Variants in ACOT12 observed in about 807,000 individuals in gnomAD.
ACOT12 encodes acyl-CoA thioesterase 12.
A neutral mutation model predicts 67.7 loss-of-function variants in ACOT12; 51 were observed. The observed-to-expected ratio is 0.75, with a 90% confidence interval of 0.60 to 0.95. ACOT12 has a LOEUF of 0.95. Ranked by LOEUF, ACOT12 falls within the 40% of genes least tolerant of loss-of-function variation. The pLI, the probability that ACOT12 is intolerant of heterozygous loss-of-function variation, is 0.00. For missense variants in ACOT12, 734 were observed against 708.1 expected (o/e 1.04, Z -0.41); for synonymous variants, 251 against 244.6 (o/e 1.03, Z -0.24).
chr5:81,373,592 G>A (rs550053289), intron 2 of ACOT12, among the ~76,000 whole-genome samples: 5 of 152,324 alleles, frequency 3.3e-5, no homozygotes, highest in African/African-American at 1.2e-4. Flanking sequence ...CCACGCTCAC[G>A]GAGCCCAGCA....
At chr5:81,327,190 CATAT>C (rs1379598666), downstream of ACOT12, among the ~76,000 whole-genome samples, 2 of 144,604 alleles carry the variant, frequency 1.4e-5, no homozygotes, top group Non-Finnish European at 3.0e-5. Flanking sequence ...TATACACACA[CATAT>C]ATATAATATA....
chr5:81,391,893 TTTTGAC>T (rs1213048046), intron 1 of ACOT12, among the ~76,000 whole-genome samples: 3 of 152,176 alleles, frequency 2.0e-5, no homozygotes, highest in Non-Finnish European at 4.4e-5. Context: ...ACTCCTAGAC[TTTTGAC>T]TTGCTCAACT....
chr5:81,339,240 A>C (rs34307954), intron 11 of ACOT12, among the ~76,000 whole-genome samples: 48,448 of 152,132 alleles, frequency 0.32, 8,199 homozygotes, highest in Non-Finnish European at 0.38. Flanking sequence ...TCTGGAGATG[A>C]CCACGGGGGC....
In ACOT12 at chr5:81,363,802, C is replaced by G. The variant is rs1335979493; in HGVS notation, c.346G>C (p.Val116Leu). ...ACAAAATTTACCTTTTCTTTTCCAA[C>G]TGGTTTGGCTACAAATGTGGAGAAA... ...VAFSTFVAKP[V>L]GKEKIHLKPV... The change falls in exon 4 of 15, where the codon GTT (valine) becomes CTT (leucine). Residue 116 changes from valine (V) to leucine (L), a missense_variant. Physicochemically the swap from Val to Leu is conservative, Grantham distance 32 (BLOSUM62 1). Coordinates refer to ENST00000307624, the MANE Select transcript of ACOT12 (RefSeq NM_130767.3). 6.8e-6 allele frequency: 11 copies of G among 1,609,386 alleles called. No individual in the cohort carries two copies. The highest frequency in any genetic ancestry group is 8.5e-6 in the Non-Finnish European group (10 of 1,177,956).
chr5:81,366,399 C>T (rs1222508453), intron 3 of ACOT12, among the ~76,000 whole-genome samples: 4 of 152,076 alleles, frequency 2.6e-5, no homozygotes, highest in South Asian at 2.1e-4. Context: ...GGAATAACAA[C>T]AAAGGATACT....
At chr5:81,382,929 A>T (rs962105995) in intron 2 of ACOT12, among the ~76,000 whole-genome samples, 1 of 152,222 alleles carries the variant, frequency 6.6e-6, no homozygotes, top group African/African-American at 2.4e-5. Flanking sequence ...TCCTCAGGAT[A>T]CTCAGGTCAT....
intron 5 of ACOT12, among the ~76,000 whole-genome samples, chr5:81,359,266 G>A (rs1759825326): frequency 6.6e-6 from 1 of 152,114 alleles, no homozygotes; most frequent in African/African-American, 2.4e-5. Flanking sequence ...TCAGAAGATA[G>A]GGTCAGACAA....
the ACOT12 span, chr5:81,312,517 C>T: frequency 1.9e-6 from 3 of 1,561,064 alleles, no homozygotes; most frequent in Admixed American, 5.4e-5. Flanking sequence ...GTTTTTCTAA[C>T]ATTCTGATTT....
At chr5:81,335,730 C>G in intron 12 of ACOT12, 38 bp downstream of exon 12, 5 of 1,597,004 alleles carry the variant, frequency 3.1e-6, no homozygotes, top group Non-Finnish European at 4.3e-6. Context: ...TACATTATGT[C>G]AAGGTTGATT....
At chr5:81,380,048 G>C (rs1187319416) in intron 2 of ACOT12, among the ~76,000 whole-genome samples, 1 of 152,138 alleles carries the variant, frequency 6.6e-6, no homozygotes, top group Non-Finnish European at 1.5e-5. Context: ...GAGGTAAAGA[G>C]TTTAATAATA....
intron 5 of ACOT12, among the ~76,000 whole-genome samples, chr5:81,359,127 C>G (rs995304840): frequency 4.6e-5 from 7 of 152,126 alleles, no homozygotes; most frequent in Non-Finnish European, 7.4e-5. Flanking sequence ...TCTTCCGGTG[C>G]CTTCCTTTGG....
chr5:81,353,915 TTTAGA>T (rs1455197895), intron 5 of ACOT12, among the ~76,000 whole-genome samples: 1 of 152,226 alleles, frequency 6.6e-6, no homozygotes, highest in African/African-American at 2.4e-5. Flanking sequence ...GTTCTCTTCT[TTTAGA>T]ACACACAATG....
the ACOT12 span, among the ~76,000 whole-genome samples, chr5:81,311,914 G>A: frequency 6.6e-6 from 1 of 151,704 alleles, no homozygotes; most frequent in East Asian, 1.9e-4. Flanking sequence ...CAGTAGGATA[G>A]CCCAGCAGTG....
At chr5:81,340,593 C>T (rs1447895536) in intron 11 of ACOT12, among the ~76,000 whole-genome samples, 1 of 152,124 alleles carries the variant, frequency 6.6e-6, no homozygotes, top group African/African-American at 2.4e-5. Context: ...AACCCCTGAC[C>T]TTGTGATCCA....
chr5:81,365,236 C>A (rs757291932), intron 3 of ACOT12, among the ~76,000 whole-genome samples: 1 of 152,108 alleles, frequency 6.6e-6, no homozygotes, highest in Non-Finnish European at 1.5e-5. Context: ...ATGTTATCAA[C>A]GATAAAGAAT....
At chr5:81,348,011 A>G (rs1427730721) in intron 5 of ACOT12, 81 bp from the exon 6 acceptor site, 15 of 1,440,992 alleles carry the variant, frequency 1.0e-5, no homozygotes, top group South Asian at 1.3e-5. Context: ...CCGGCAGTAC[A>G]TTCAACTCGG....
At chr5:81,330,652 G>A in intron 14 of ACOT12, 109 bp from the exon 15 acceptor site, 2 of 1,478,570 alleles carry the variant, frequency 1.4e-6, no homozygotes, top group Non-Finnish European at 1.8e-6. Context: ...CTAATCTTCT[G>A]GGGGACCTTC....
intron 1 of ACOT12, among the ~76,000 whole-genome samples, chr5:81,390,554 A>G (rs988008046): frequency 2.0e-5 from 3 of 150,992 alleles, no homozygotes; most frequent in African/African-American, 7.3e-5. Flanking sequence ...CACTGGCTGG[A>G]GTGCAGTGGT....
At chr5:81,312,811 T>C in the ACOT12 span, 1 of 567,744 alleles carries the variant, frequency 1.8e-6, no homozygotes, top group Admixed American at 3.3e-5. Context: ...TTTTCTTTAT[T>C]CTGTCTATCA....
Sources: allele counts gnomAD v4.1 joint callset (sites outside exome capture counted in the v4.1 genomes callset), GRCh38; gene constraint gnomAD v4.1.1; transcripts MANE v1.5; gene names NCBI Gene and HGNC (gene_info 2026-07-23, HGNC 2026-07-21).